The following SH3RF3 variants were observed in gnomAD, a reference collection of about 807,000 sequenced individuals.
SH3RF3 encodes SH3 domain containing ring finger 3, also known as E3 ubiquitin-protein ligase SH3RF3.
Under a neutral mutation model 66.3 loss-of-function variants are expected in SH3RF3, and 29 were observed. The observed-to-expected ratio is 0.44, with a 90% CI of 0.33 to 0.60. The LOEUF (loss-of-function observed/expected upper bound fraction) is 0.60. SH3RF3 is among the 20% of genes least tolerant of loss of function. The probability of loss-of-function intolerance (pLI) is 0.04; values close to 1 mark genes in which losing one functional copy is unlikely to be tolerated. For missense variants in SH3RF3, 1,194 were observed against 1,190.9 expected (o/e 1.00, Z -0.04); for synonymous variants, 583 against 532.0 (o/e 1.10, Z -1.32).
chr2:109,292,085 G>C (rs1275010820), intron 1 of SH3RF3, among the ~76,000 whole-genome samples: 1 of 152,124 alleles, frequency 6.6e-6, no homozygotes, highest in African/African-American at 2.4e-5. Flanking sequence ...GGATGGTCTC[G>C]ATCTCCTGAC....
intron 9 of SH3RF3, among the ~76,000 whole-genome samples, chr2:109,491,997 T>C (rs1679142041): frequency 6.6e-6 from 1 of 152,102 alleles, no homozygotes; most frequent in Non-Finnish European, 1.5e-5. Flanking sequence ...TTCTTCTGTA[T>C]AGTTTTCTAG....
chr2:109,270,328 G>A (rs1680595054), intron 1 of SH3RF3, among the ~76,000 whole-genome samples: 1 of 152,206 alleles, frequency 6.6e-6, no homozygotes, highest in African/African-American at 2.4e-5. Flanking sequence ...CCGGGCATGG[G>A]GAGGATTGCC....
chr2:109,405,007 C>G (rs1197001189), intron 4 of SH3RF3, among the ~76,000 whole-genome samples: 2 of 144,570 alleles, frequency 1.4e-5, no homozygotes, highest in Non-Finnish European at 3.0e-5. Flanking sequence ...TACACAAATA[C>G]CCCCCACCTT....
intron 1 of SH3RF3, among the ~76,000 whole-genome samples, chr2:109,237,975 G>A (rs1012128412): frequency 6.6e-6 from 1 of 152,206 alleles, no homozygotes; most frequent in Non-Finnish European, 1.5e-5. Context: ...GCTCATGCTT[G>A]TAATCCTAGC....
chr2:109,326,727 C>A (rs1368883134), intron 1 of SH3RF3, among the ~76,000 whole-genome samples: 1 of 152,192 alleles, frequency 6.6e-6, no homozygotes, highest in Non-Finnish European at 1.5e-5. Flanking sequence ...GTAGTTCTTA[C>A]CTGGTGTTTA....
chr2:109,213,226 CT>C (rs1162108733), intron 1 of SH3RF3, among the ~76,000 whole-genome samples: 2 of 152,180 alleles, frequency 1.3e-5, no homozygotes, highest in African/African-American at 4.8e-5. Context: ...GGTCCCAGGG[CT>C]GCTTCTGAGC....
At chr2:109,430,583 C>A (rs899168508) in intron 5 of SH3RF3, among the ~76,000 whole-genome samples, 3 of 152,160 alleles carry the variant, frequency 2.0e-5, no homozygotes, top group African/African-American at 7.2e-5. Flanking sequence ...GTTCTCCTCT[C>A]CTCCCCTCCA....
chr2:109,250,567 A>C (rs58676986), intron 1 of SH3RF3, among the ~76,000 whole-genome samples: 3,001 of 152,106 alleles, frequency 0.02, 107 homozygotes, highest in African/African-American at 0.068. Context: ...AAAACATGAT[A>C]AATACAGAAA....
chr2:109,421,438 T>G (rs1347439732), intron 5 of SH3RF3, among the ~76,000 whole-genome samples: 5 of 152,226 alleles, frequency 3.3e-5, no homozygotes, highest in Non-Finnish European at 5.9e-5. Flanking sequence ...CCAAGAAGGC[T>G]TCTCTGTCCT....
chr2:109,179,690 G>A (rs1678029193), intron 1 of SH3RF3, among the ~76,000 whole-genome samples: 1 of 152,090 alleles, frequency 6.6e-6, no homozygotes, highest in Non-Finnish European at 1.5e-5. Flanking sequence ...AAAGCCACAA[G>A]TCCCATCATG....
At chr2:109,376,819 G>T (rs994641786) in intron 3 of SH3RF3, among the ~76,000 whole-genome samples, 2 of 152,216 alleles carry the variant, frequency 1.3e-5, no homozygotes, top group African/African-American at 4.8e-5. Context: ...GAGACAGCCA[G>T]CATCTCAGCA....
intron 1 of SH3RF3, among the ~76,000 whole-genome samples, chr2:109,201,845 C>G (rs904374263): frequency 7.2e-5 from 11 of 152,240 alleles, no homozygotes; most frequent in Admixed American, 3.9e-4. Flanking sequence ...ATAGTGCCCT[C>G]CCTCCAGGGA....
intron 3 of SH3RF3, among the ~76,000 whole-genome samples, chr2:109,372,699 C>T (rs1683300645): frequency 6.6e-6 from 1 of 152,210 alleles, no homozygotes; most frequent in African/African-American, 2.4e-5. Context: ...CAGCCCTTCA[C>T]TCTCCTGCTC....
chr2:109,372,611 G>A (rs762632684), intron 3 of SH3RF3, among the ~76,000 whole-genome samples: 18 of 152,214 alleles, frequency 1.2e-4, no homozygotes, highest in African/African-American at 1.9e-4. Context: ...GAAAGGTAAC[G>A]TAGCATTCTC....
intron 1 of SH3RF3, among the ~76,000 whole-genome samples, chr2:109,334,834 T>C (rs1401718542): frequency 1.3e-5 from 2 of 152,208 alleles, no homozygotes; most frequent in African/African-American, 2.4e-5. Context: ...CTTGCTCCCC[T>C]CAGTAGCACT....
intron 7 of SH3RF3, among the ~76,000 whole-genome samples, chr2:109,445,760 G>T (rs1346492364): frequency 1.3e-5 from 2 of 152,036 alleles, no homozygotes; most frequent in Admixed American, 6.6e-5. Flanking sequence ...TAGAGAGGGG[G>T]GTTGGCTTGG....
chr2:109,393,688 G>A (rs1181580972), intron 3 of SH3RF3, among the ~76,000 whole-genome samples: 2 of 151,680 alleles, frequency 1.3e-5, no homozygotes, highest in African/African-American at 4.8e-5. Flanking sequence ...CCCTTGTATC[G>A]CGCTCCCAAG....
intron 8 of SH3RF3, among the ~76,000 whole-genome samples, chr2:109,453,066 A>G (rs1408835812): frequency 6.6e-6 from 1 of 152,010 alleles, no homozygotes; most frequent in Non-Finnish European, 1.5e-5. Context: ...TGGGCCTTTG[A>G]GCTCTGTTCC....
At chr2:109,323,835 T>C (rs1178166342) in intron 1 of SH3RF3, among the ~76,000 whole-genome samples, 1 of 152,260 alleles carries the variant, frequency 6.6e-6, no homozygotes, top group African/African-American at 2.4e-5. Flanking sequence ...CTTTTAGCTT[T>C]TCTTATGTTT....
Sources: gnomAD v4.1 joint callset for allele counts (sites outside exome capture counted in the v4.1 genomes callset) on GRCh38, gnomAD v4.1.1 for gene constraint, MANE v1.5 for transcripts, NCBI Gene and HGNC (gene_info 2026-07-23, HGNC 2026-07-21) for gene names.